KIF1B: variants seen among roughly 807,000 people sequenced by gnomAD.
KIF1B encodes kinesin-like protein KIF1B.
Under a neutral mutation model 241.9 loss-of-function variants are expected in KIF1B, and 76 were observed. The ratio of observed to expected loss-of-function variants is 0.31; its 90% CI spans 0.26 to 0.38. KIF1B has a LOEUF of 0.38. Among genes scored for constraint, KIF1B ranks in the 10% least tolerant of loss-of-function variants. KIF1B has a pLI of 1.00. For missense variants in KIF1B, 1,622 were observed against 2,271.4 expected (o/e 0.71, Z 5.81); for synonymous variants, 750 against 796.7 (o/e 0.94, Z 0.99).
At position 10,379,978 on chromosome 1, in the gene KIF1B, A is replaced by G. The variant is rs1307421090; in HGVS notation, c.*3391A>G. On this transcript the variant is annotated 3_prime_UTR_variant, in exon 49 of 49. Transcript: ENST00000676179. Reference sequence around the variant, plus strand: ...GGGCAATGGAGTGAGTTTCCCAACTAAGAAACCACTATTATATATTTTTTC... The same window carrying G: ...GGGCAATGGAGTGAGTTTCCCAACTGAGAAACCACTATTATATATTTTTTC... 1 of 229,626 alleles carries G rather than the reference A, an allele frequency of 4.4e-6. No individual in the cohort carries two copies. The highest frequency in any genetic ancestry group is 8.7e-6 in the Non-Finnish European group (1 of 115,524). The allele number at this position is 229,626 out of a possible 1,614,324, so 14.2% of individuals were successfully genotyped here.
At chr1:10,309,933 C>T (rs1028916750) in intron 22 of KIF1B, among the ~76,000 whole-genome samples, 1 of 151,340 alleles carries the variant, frequency 6.6e-6, no homozygotes, top group Non-Finnish European at 1.5e-5. Flanking sequence ...TTTCTTCCCA[C>T]CTCTGGGCTC....
At chr1:10,349,328 G>A (rs997099227) in intron 37 of KIF1B, among the ~76,000 whole-genome samples, 14 of 151,996 alleles carry the variant, frequency 9.2e-5, no homozygotes, top group African/African-American at 2.7e-4. Context: ...TTGGCTACTC[G>A]GGAGGCTGAG....
intron 1 of KIF1B, among the ~76,000 whole-genome samples, chr1:10,221,397 C>T (rs1215234105): frequency 2.0e-5 from 3 of 152,162 alleles, no homozygotes; most frequent in Non-Finnish European, 4.4e-5. Flanking sequence ...TGCGCCCGGC[C>T]TCCTTTTCTA....
intron 2 of KIF1B, among the ~76,000 whole-genome samples, chr1:10,244,110 A>C (rs1362931124): frequency 2.0e-5 from 3 of 152,152 alleles, no homozygotes; most frequent in Non-Finnish European, 4.4e-5. Flanking sequence ...TTTATAAAAA[A>C]ATGGGAAACT....
chr1:10,378,102 C>T lies in KIF1B; in HGVS notation c.*1515C>T. ...TTGAAGATGCTTTCAGTGATGCTCT[C>T]TATACTCATAAATAAGCAAATGTGG... On this transcript the variant is annotated 3_prime_UTR_variant, in exon 49 of 49. Transcript: ENST00000676179. 1.8e-6 allele frequency: 1 copy of T among 570,430 alleles called. No individual in the cohort carries two copies. Among genetic ancestry groups the T allele is most frequent in the Admixed American group, 3.1e-5 (1 of 32,772 alleles). The allele number at this position is 570,430 out of a possible 1,614,324, so 35.3% of individuals were successfully genotyped here.
intron 34 of KIF1B, among the ~76,000 whole-genome samples, chr1:10,343,681 C>T (rs773523433): frequency 2.6e-5 from 4 of 152,188 alleles, no homozygotes; most frequent in Admixed American, 6.5e-5. Flanking sequence ...TCGCTTGAAC[C>T]GGGGAGGTGG....
At chr1:10,311,791 T>C (rs1318894156) in intron 22 of KIF1B, among the ~76,000 whole-genome samples, 4 of 151,390 alleles carry the variant, frequency 2.6e-5, no homozygotes, top group African/African-American at 9.8e-5. Flanking sequence ...CTTGGCTATT[T>C]CTATATGTTT....
intron 22 of KIF1B, among the ~76,000 whole-genome samples, chr1:10,309,179 A>G (rs2102279519): frequency 6.6e-6 from 1 of 152,362 alleles, no homozygotes; most frequent in Middle Eastern, 3.4e-3. Flanking sequence ...TAAAAACAAC[A>G]TAATCACGCA....
chr1:10,294,934 C>T (rs1156537052), intron 17 of KIF1B, 152 bp from the exon 18 acceptor site: 2 of 683,070 alleles, frequency 2.9e-6, no homozygotes, highest in Admixed American at 4.7e-5. Context: ...AGTGTTTTCT[C>T]TTTATTATGG....
rs1025908044 is a variant in KIF1B at position 10,361,609 on chromosome 1, C to T, written c.4171-83C>T. 366 of 1,553,490 alleles carry T rather than the reference C, an allele frequency of 2.4e-4. 3 individuals are homozygous for T. The highest frequency in any genetic ancestry group is 2.7e-4 in the Non-Finnish European group (308 of 1,134,612). ...TCCTTCAGTTCTCACAACTGGGACTCGCTTTCCAAATACGTTCGTGTATAG... is the reference window on the plus strand; with the variant it reads ...TCCTTCAGTTCTCACAACTGGGACTTGCTTTCCAAATACGTTCGTGTATAG... On this transcript the variant is annotated intron_variant, in intron 39 of 48. Transcript: ENST00000676179.
At chr1:10,292,162 C>T in intron 17 of KIF1B, 40 bp downstream of exon 17, 10 of 1,532,328 alleles carry the variant, frequency 6.5e-6, no homozygotes, top group African/African-American at 2.7e-5. Context: ...GACAGAGACA[C>T]TTTTTGTTTG....
Position 10,378,281 on chromosome 1 carries a change from C to T in KIF1B, c.*1694C>T. 1.4e-6 allele frequency: 1 copy of T among 717,104 alleles called. No homozygotes were observed. The highest frequency in any genetic ancestry group is 1.5e-5 in the South Asian group (1 of 67,558). The allele number at this position is 717,104 out of a possible 1,614,324, so 44.4% of individuals were successfully genotyped here. ...TGCTCCTCTCCATCTGGTGTGGAAA[C>T]ACTGCCCAGGGAGAAAGGAGGAAGC... On this transcript the variant is annotated 3_prime_UTR_variant, in exon 49 of 49. Coordinates refer to ENST00000676179, the MANE Select transcript of KIF1B (RefSeq NM_001365951.3).
intron 7 of KIF1B, among the ~76,000 whole-genome samples, chr1:10,271,075 A>G (rs952151130): frequency 2.0e-5 from 3 of 152,006 alleles, no homozygotes; most frequent in African/African-American, 7.2e-5. Flanking sequence ...TGAGTTTTAT[A>G]TATTTTTATA....
chr1:10,352,870 A>T (rs914724725), intron 38 of KIF1B, 134 bp downstream of exon 38: 1 of 685,662 alleles, frequency 1.5e-6, no homozygotes, highest in Non-Finnish European at 2.7e-6. Context: ...AGCTTCAAAA[A>T]TCTCTTTATT....
chr1:10,303,922 G>A lies in KIF1B; in HGVS notation c.2115+6676G>A, dbSNP rs746100671. The stretch of plus-strand genomic sequence containing the variant: ...TTCCCAGCTGATGAATGGGGATCCA[G>A]CTTTTAGACGTGGACGTCTGCGCTG... On this transcript the variant is annotated intron_variant, in intron 22 of 48. Transcript: ENST00000676179. The surrounding 1 kb of genome is among the most constrained non-coding windows in gnomAD (Gnocchi z 5.2). 1.2e-6 allele frequency: 2 copies of A among 1,614,064 alleles called. No individual in the cohort carries two copies. Among genetic ancestry groups the A allele is most frequent in the African/African-American group, 1.3e-5 (1 of 74,916 alleles).
intron 2 of KIF1B, among the ~76,000 whole-genome samples, chr1:10,236,003 T>A (rs929606658): frequency 1.3e-5 from 2 of 151,868 alleles, no homozygotes; most frequent in Non-Finnish European, 2.9e-5. Flanking sequence ...CCGGGCACGG[T>A]GGCTCAAGCC....
intron 9 of KIF1B, 148 bp downstream of exon 9, chr1:10,272,454 C>A (rs1292966424): frequency 1.4e-6 from 1 of 697,878 alleles, no homozygotes; most frequent in Admixed American, 2.0e-5. Context: ...AGATAAGATA[C>A]TAGGTATAAC....
intron 38 of KIF1B, among the ~76,000 whole-genome samples, chr1:10,359,570 T>A (rs1426024068): frequency 1.3e-5 from 2 of 152,176 alleles, no homozygotes; most frequent in Non-Finnish European, 2.9e-5. Flanking sequence ...CAAAATAGTT[T>A]GTGGGTATCT....
chr1:10,302,230 T>C (rs984405970), intron 22 of KIF1B, among the ~76,000 whole-genome samples: 1 of 152,198 alleles, frequency 6.6e-6, no homozygotes, highest in Non-Finnish European at 1.5e-5. Flanking sequence ...AATTTATTTC[T>C]CAAAATTTTG....
Sources: allele counts gnomAD v4.1 joint callset (sites outside exome capture counted in the v4.1 genomes callset), GRCh38; gene constraint gnomAD v4.1.1; non-coding constraint Gnocchi (gnomAD v3.1); transcripts MANE v1.5; gene names NCBI Gene and HGNC (gene_info 2026-07-23, HGNC 2026-07-21).